CDH19: variants seen among roughly 807,000 people sequenced by gnomAD.
CDH19 encodes cadherin-19.
A neutral mutation model predicts 64.2 loss-of-function variants in CDH19; 67 were observed. The ratio of observed to expected loss-of-function variants is 1.04; its 90% CI spans 0.86 to 1.28. CDH19 has a LOEUF of 1.28. CDH19 is among the 50% of genes most tolerant of loss of function. The pLI, the probability that CDH19 is intolerant of heterozygous loss-of-function variation, is 0.00. For synonymous variants in CDH19, 346 were observed against 319.3 expected, an observed-to-expected ratio of 1.08 and a Z score of -0.89; for missense variants, 1,030 against 929.0, an observed-to-expected ratio of 1.11 and a Z score of -1.41.
intron 1 of CDH19, among the ~76,000 whole-genome samples, chr18:66,588,946 C>T (rs1341259997): frequency 6.6e-6 from 1 of 151,320 alleles, no homozygotes; most frequent in East Asian, 1.9e-4. Context: ...AATAATGCTT[C>T]CTACTTCCAA....
chr18:66,598,005 A>G (rs973728438), intron 1 of CDH19, among the ~76,000 whole-genome samples: 1 of 152,146 alleles, frequency 6.6e-6, no homozygotes, highest in African/African-American at 2.4e-5. Flanking sequence ...ACAAATCTGC[A>G]CGTGGTGCAC....
chr18:66,603,385 T>C lies in CDH19; in HGVS notation c.-113+569A>G, dbSNP rs554951181. Among the ~76,000 whole-genome samples the C allele has an allele frequency of 1.8e-4, 28 of 151,694 alleles. No individual in the cohort carries two copies. The South Asian group carries it at 5.6e-3, about 30-fold the overall frequency. On this transcript the variant is annotated intron_variant, in intron 1 of 11. Transcript: ENST00000262150. Reference sequence around the variant, plus strand: ...TTATGTATAAATGTTATAATACATATAGGTAAATTAATATGCCTGTACAAT... The same window carrying C: ...TTATGTATAAATGTTATAATACATACAGGTAAATTAATATGCCTGTACAAT...
chr18:66,503,398 A>G lies in CDH19; in HGVS notation c.*1414T>C, dbSNP rs923605052. On this transcript the variant is annotated 3_prime_UTR_variant, in exon 12 of 12. Coordinates refer to ENST00000262150, the MANE Select transcript of CDH19 (RefSeq NM_021153.4). ...TCATATTCCAAGCTCTTAACAGAAA[A>G]GCAAATACTGAGAATTGTATCATGT... The G allele has an allele frequency of 6.6e-6, 1 of 151,884 alleles. No individual in the cohort carries two copies. The highest frequency in any genetic ancestry group is 2.4e-5 in the African/African-American group (1 of 41,442). The allele number at this position is 151,884 out of a possible 1,614,324, so 9.4% of individuals were successfully genotyped here.
chr18:66,563,613 T>G (rs1987801914), intron 3 of CDH19, among the ~76,000 whole-genome samples: 1 of 152,010 alleles, frequency 6.6e-6, no homozygotes, highest in South Asian at 2.1e-4. Context: ...TAGGTATATC[T>G]GCTCACTCCT....
intron 9 of CDH19, among the ~76,000 whole-genome samples, chr18:66,519,652 T>A (rs933384731): frequency 2.0e-5 from 3 of 152,164 alleles, no homozygotes. Flanking sequence ...AACTTAACAC[T>A]AGAAAACAAA....
rs1988132685 is a variant in CDH19 at position 66,572,304 on chromosome 18, A to G, written c.-100T>C. The stretch of plus-strand genomic sequence containing the variant: ...TTTATAATCTTTTCTGATTCTGTGT[A>G]CCTTCTATATACCTAAAGCGTCAGA... On this transcript the variant is annotated 5_prime_UTR_variant, in exon 2 of 12. Transcript: ENST00000262150. 2.3e-6 allele frequency: 2 copies of G among 858,736 alleles called. No individual in the cohort carries two copies. Among genetic ancestry groups the G allele is most frequent in the African/African-American group, 1.7e-5 (1 of 58,900 alleles). 53.2% of individuals were successfully genotyped at this position (858,736 alleles called of 1,614,324 possible). A position where few individuals can be genotyped will look rare whatever the true frequency, so the allele number is the denominator to read the frequency against.
At chr18:66,525,182 C>G (rs1348082379) in intron 9 of CDH19, among the ~76,000 whole-genome samples, 1 of 152,096 alleles carries the variant, frequency 6.6e-6, no homozygotes, top group Non-Finnish European at 1.5e-5. Flanking sequence ...TCCTTATCAG[C>G]ACCACTTAAT....
At chr18:66,596,954 C>A in intron 1 of CDH19, among the ~76,000 whole-genome samples, 1 of 146,324 alleles carries the variant, frequency 6.8e-6, no homozygotes, top group Non-Finnish European at 1.5e-5. Context: ...TAGTGGCGGG[C>A]GCCTGTAGTC....
At chr18:66,505,497 G>A (rs1367071480) in intron 11 of CDH19, among the ~76,000 whole-genome samples, 195 bp from the exon 12 acceptor site, 2 of 149,020 alleles carry the variant, frequency 1.3e-5, no homozygotes, top group Non-Finnish European at 3.0e-5. Flanking sequence ...TTTTCTGGCT[G>A]ATGACTTAGA....
At chr18:66,530,317 T>A (rs1986393558) in intron 8 of CDH19, among the ~76,000 whole-genome samples, 1 of 152,008 alleles carries the variant, frequency 6.6e-6, no homozygotes, top group Non-Finnish European at 1.5e-5. Context: ...CTCATTTAAT[T>A]TTGATCAATA....
At chr18:66,524,017 A>C (rs901789404) in intron 9 of CDH19, among the ~76,000 whole-genome samples, 1 of 152,144 alleles carries the variant, frequency 6.6e-6, no homozygotes, top group Non-Finnish European at 1.5e-5. Flanking sequence ...TCAGTGGCAG[A>C]GCCCAGAACA....
intron 1 of CDH19, among the ~76,000 whole-genome samples, chr18:66,592,293 T>C (rs1239632035): frequency 6.6e-6 from 1 of 151,928 alleles, no homozygotes; most frequent in African/African-American, 2.4e-5. Flanking sequence ...TACAGAGTGA[T>C]ATTTTGATAC....
At position 66,512,021 on chromosome 18, in the gene CDH19, C is replaced by T. The variant is rs965515264; in HGVS notation, c.1459-336G>A. On this transcript the variant is annotated intron_variant, in intron 9 of 11. Transcript: ENST00000262150. ...GCCTACATTTCACTCTTTCTTCCTT[C>T]TTAACTTTTTCTTTATCTGAATGTC... is the stretch of plus-strand genomic sequence containing the variant. Among the ~76,000 whole-genome samples the T allele has an allele frequency of 1.1e-4, 17 of 151,512 alleles. No homozygotes were observed. The Admixed American group carries it at 1.1e-3, about 10-fold the overall frequency.
intron 1 of CDH19, among the ~76,000 whole-genome samples, chr18:66,592,267 G>T (rs376542438): frequency 1.3e-5 from 2 of 151,614 alleles, no homozygotes; most frequent in Non-Finnish European, 3.0e-5. Flanking sequence ...ACAAATAATT[G>T]TACATATTTA....
intron 2 of CDH19, among the ~76,000 whole-genome samples, chr18:66,571,002 C>T (rs996367379): frequency 1.3e-5 from 2 of 151,492 alleles, no homozygotes; most frequent in African/African-American, 4.8e-5. Flanking sequence ...AACTGTGGAC[C>T]TTCTTAGTGC....
chr18:66,556,303 A>G (rs1206225386), intron 3 of CDH19, among the ~76,000 whole-genome samples: 1 of 151,788 alleles, frequency 6.6e-6, no homozygotes. Flanking sequence ...CTACTCACTC[A>G]TCACAAATCT....
Position 66,579,932 on chromosome 18 carries a change from G to A in CDH19, c.-112-7616C>T, listed in dbSNP as rs575122199. On this transcript the variant is annotated intron_variant, in intron 1 of 11. Coordinates refer to ENST00000262150, the MANE Select transcript of CDH19 (RefSeq NM_021153.4). ...TATTAGAAATGACAGGGTGTCTTGAGAAAAAGTATATTTTCTTTAAAATAT... is the reference window on the plus strand; with the variant it reads ...TATTAGAAATGACAGGGTGTCTTGAAAAAAAGTATATTTTCTTTAAAATAT... 9.2e-5 allele frequency among the ~76,000 whole-genome samples: 14 copies of A among 151,946 alleles called. 1 individual carries two copies. In the South Asian group the frequency reaches 2.5e-3, roughly 27 times the overall value.
intron 10 of CDH19, 143 bp downstream of exon 10, chr18:66,511,425 C>A: frequency 1.9e-6 from 1 of 519,418 alleles, no homozygotes; most frequent in Non-Finnish European, 3.4e-6. Flanking sequence ...TTTTGTTTTC[C>A]ATTTTAATTG....
chr18:66,523,758 G>GC lies in CDH19; in HGVS notation c.1458+6086dup, dbSNP rs147661356. ...ACACAAATCCCCACACGTCCAGAGA[G>GC]CTGACCATGCAGTATGACAAAGGGA... is the stretch of plus-strand genomic sequence containing the variant. On this transcript the variant is annotated intron_variant, in intron 9 of 11. Transcript: ENST00000262150. Among the ~76,000 whole-genome samples, 1,070 of 152,120 alleles carry GC rather than the reference G, an allele frequency of 7.0e-3. 16 individuals carry two copies. Among genetic ancestry groups the GC allele is most frequent in the African/African-American group, 0.024 (981 of 41,508 alleles).
Sources: gnomAD v4.1 joint callset for allele counts (sites outside exome capture counted in the v4.1 genomes callset) on GRCh38, gnomAD v4.1.1 for gene constraint, MANE v1.5 for transcripts, NCBI Gene and HGNC (gene_info 2026-07-23, HGNC 2026-07-21) for gene names.